YJU2: variants seen among roughly 807,000 people sequenced by gnomAD.
YJU2 encodes the protein YJU2 splicing factor homolog.
Under a neutral mutation model 39.6 loss-of-function variants are expected in YJU2, and 28 were observed. The ratio of observed to expected loss-of-function variants is 0.71; its 90% CI spans 0.52 to 0.97. YJU2 has a LOEUF of 0.97. YJU2 is among the 50% of genes least tolerant of loss of function. YJU2 has a pLI of 0.00. For missense variants in YJU2, 328 were observed against 430.4 expected, an observed-to-expected ratio of 0.76 and a Z score of 2.11; for synonymous variants, 184 against 182.4, an observed-to-expected ratio of 1.01 and a Z score of -0.07.
intron 6 of YJU2, 86 bp downstream of exon 6, chr19:4,262,200 T>A (rs1355799017): frequency 1.4e-6 from 2 of 1,421,578 alleles, no homozygotes; most frequent in African/African-American, 2.9e-5. Flanking sequence ...TTCTTTTGTT[T>A]TTTGTTTTTG....
intron 1 of YJU2, chr19:4,247,448 C>A (rs1021185776): frequency 8.5e-5 from 27 of 315,886 alleles, no homozygotes; most frequent in African/African-American, 6.0e-4. Flanking sequence ...GGTTTTTTTT[C>A]TGGGGGCGGG....
At chr19:4,251,713 G>A (rs1970978422) in intron 3 of YJU2, among the ~76,000 whole-genome samples, 1 of 149,796 alleles carries the variant, frequency 6.7e-6, no homozygotes, top group Non-Finnish European at 1.5e-5. Flanking sequence ...GCCAGGCACA[G>A]TGGCTCATGC....
Position 4,249,257 on chromosome 19 carries a change from A to G in YJU2, c.54A>G (p.Ser18=). ...NKYYPPDFDP[S]KIPKLKLPKD... is the part of the protein sequence containing the mutation. ...ACTACCCGCCGGACTTTGACCCATC[A>G]AAGATCCCCAAACTCAAGCTCCCCA... Residue 18 remains serine, a synonymous_variant, in exon 2 of 8, where the codon TCA becomes TCG. Transcript: ENST00000262962. 6.2e-7 allele frequency: 1 copy of G among 1,613,436 alleles called. No individual in the cohort carries two copies. The highest frequency in any genetic ancestry group is 1.7e-5 in the Admixed American group (1 of 59,890).
intron 5 of YJU2, among the ~76,000 whole-genome samples, chr19:4,260,645 G>A (rs1971063650): frequency 6.6e-6 from 1 of 152,114 alleles, no homozygotes; most frequent in East Asian, 1.9e-4. Context: ...AATTTTTTTA[G>A]AGACGGGGTC....
In YJU2 at chr19:4,262,128, C is replaced by A; in HGVS notation, c.708+14C>A. 6.2e-7 allele frequency: 1 copy of A among 1,600,086 alleles called. No homozygotes were observed. The highest frequency in any genetic ancestry group is 8.5e-7 in the Non-Finnish European group (1 of 1,174,358). On this transcript the variant is annotated intron_variant, in intron 6 of 7. Transcript: ENST00000262962. Reference sequence around the variant, plus strand: ...ATCCTGGATGAGGTAAGTGGGGTGCCTGAGTCCTGGGGGCTCCCAGGTGAA... The same window carrying A: ...ATCCTGGATGAGGTAAGTGGGGTGCATGAGTCCTGGGGGCTCCCAGGTGAA...
At chr19:4,255,056 C>CA (rs33989575) in intron 4 of YJU2, among the ~76,000 whole-genome samples, 40,565 of 95,740 alleles carry the variant, frequency 0.42, 8,126 homozygotes, top group African/African-American at 0.54. Flanking sequence ...ATTCTGTCTC[C>CA]AAAAAAAAAA....
rs1971139297 is a variant in YJU2, at chr19:4,268,801, AG to A, written c.*107del. ...GGGCAGGAGGCCTTGGCGTGACTGGAGGCCGGACAGACAAGCGCCAGCGTGC... is the reference window on the plus strand; with the variant it reads ...GGGCAGGAGGCCTTGGCGTGACTGGAGCCGGACAGACAAGCGCCAGCGTGC... On this transcript the variant is annotated 3_prime_UTR_variant, in exon 8 of 8. Coordinates refer to ENST00000262962, the MANE Select transcript of YJU2 (RefSeq NM_018074.6). The A allele has an allele frequency of 3.8e-6, 3 of 797,650 alleles. No homozygotes were observed. Among genetic ancestry groups the A allele is most frequent in the Non-Finnish European group, 6.2e-6 (3 of 486,356 alleles). 49.4% of individuals were successfully genotyped at this position (797,650 alleles called of 1,614,324 possible).
intron 2 of YJU2, among the ~76,000 whole-genome samples, chr19:4,250,525 G>A (rs1314650860): frequency 6.6e-6 from 1 of 152,068 alleles, no homozygotes; most frequent in Non-Finnish European, 1.5e-5. Flanking sequence ...CAAAATACTG[G>A]TGGCGCTGAG....
chr19:4,255,794 G>A (rs1457711232), intron 4 of YJU2, among the ~76,000 whole-genome samples: 6 of 150,672 alleles, frequency 4.0e-5, no homozygotes, highest in Admixed American at 1.3e-4. Context: ...ATCACCTGAG[G>A]TCAGGAGTTC....
At chr19:4,253,382 G>C (rs1314390477) in intron 3 of YJU2, among the ~76,000 whole-genome samples, 1 of 152,198 alleles carries the variant, frequency 6.6e-6, no homozygotes, top group African/African-American at 2.4e-5. Flanking sequence ...TTAGAGACCA[G>C]CCTGGGCAAC....
chr19:4,258,858 C>T (rs773973868), intron 5 of YJU2, among the ~76,000 whole-genome samples: 4 of 152,116 alleles, frequency 2.6e-5, no homozygotes, highest in Non-Finnish European at 4.4e-5. Context: ...CCACAGCCCC[C>T]GCTGCCTCAC....
chr19:4,249,740 C>T (rs1408167179), intron 2 of YJU2, among the ~76,000 whole-genome samples: 5 of 151,394 alleles, frequency 3.3e-5, no homozygotes, highest in African/African-American at 4.9e-5. Context: ...AGAGTCTTGC[C>T]GTGTTGCCCA....
chr19:4,260,835 C>T (rs1033717849), intron 5 of YJU2, among the ~76,000 whole-genome samples: 3 of 152,132 alleles, frequency 2.0e-5, no homozygotes, highest in Admixed American at 6.6e-5. Context: ...GTGCTCTGCC[C>T]TCACGGAGCT....
In YJU2 at chr19:4,262,099, C is replaced by T. The variant is rs569458581; in HGVS notation, c.693C>T (p.Thr231=). ...PLQPALRPNP[T]AILDEAPKPK... Reference sequence around the variant, plus strand: ...AGCCAGCCCTTCGGCCCAACCCCACCGCCATCCTGGATGAGGTAAGTGGGG... The same window carrying T: ...AGCCAGCCCTTCGGCCCAACCCCACTGCCATCCTGGATGAGGTAAGTGGGG... Residue 231 remains threonine (T), a synonymous_variant, in exon 6 of 8, where the codon ACC becomes ACT. Transcript: ENST00000262962. 30 of 1,610,500 alleles carry T rather than the reference C, an allele frequency of 1.9e-5. 1 individual carries two copies. Among genetic ancestry groups the T allele is most frequent in the East Asian group, 4.5e-5 (2 of 44,876 alleles).
At position 4,267,620 on chromosome 19, in the gene YJU2, G is replaced by A. The variant is rs751281030; in HGVS notation, c.709-4G>A. 2 of 1,611,456 alleles carry A rather than the reference G, an allele frequency of 1.2e-6. No individual in the cohort carries two copies. Among genetic ancestry groups the A allele is most frequent in the African/African-American group, 1.3e-5 (1 of 74,874 alleles). On this transcript the variant is annotated splice_region_variant and splice_polypyrimidine_tract_variant and intron_variant, in intron 6 of 7. Transcript: ENST00000262962. ...ACCCCCACATGTGTCCCCATCACCT[G>A]CAGGCCCCAAAGCCCAAGAGGAAGG...
chr19:4,248,556 C>A (rs934742067), intron 1 of YJU2, among the ~76,000 whole-genome samples: 8 of 152,142 alleles, frequency 5.3e-5, no homozygotes, highest in Non-Finnish European at 8.8e-5. Flanking sequence ...TACAGAATTG[C>A]TGGGGAGTTG....
intron 3 of YJU2, among the ~76,000 whole-genome samples, chr19:4,251,582 G>C (rs190992580): frequency 2.0e-5 from 3 of 151,958 alleles, no homozygotes; most frequent in African/African-American, 7.2e-5. Context: ...TTACTCGAGA[G>C]GCTAAGGCAG....
chr19:4,252,139 T>C (rs10424905), intron 3 of YJU2, among the ~76,000 whole-genome samples: 4,890 of 151,982 alleles, frequency 0.032, 274 homozygotes, highest in African/African-American at 0.11. Context: ...TGAATACTTT[T>C]TTGCCATAAG....
chr19:4,266,496 C>T (rs552586679), intron 6 of YJU2, among the ~76,000 whole-genome samples: 4 of 152,216 alleles, frequency 2.6e-5, no homozygotes, highest in South Asian at 2.1e-4. Context: ...TGCAAGACGC[C>T]CTTCCTCTGA....
Sources: gnomAD v4.1 joint callset for allele counts (sites outside exome capture counted in the v4.1 genomes callset) on GRCh38, gnomAD v4.1.1 for gene constraint, MANE v1.5 for transcripts, NCBI Gene and HGNC (gene_info 2026-07-23, HGNC 2026-07-21) for gene names.